The following LRCH2 variants were observed in gnomAD, a reference collection of about 807,000 sequenced individuals.
LRCH2 encodes the protein leucine-rich repeat and calponin homology domain-containing protein 2.
In LRCH2, 38 loss-of-function variants were observed where a neutral mutation model predicts 68.9. That is an observed-to-expected ratio of 0.55 (90% CI 0.43 to 0.72). The LOEUF (loss-of-function observed/expected upper bound fraction) is 0.72, where lower values mean the gene tolerates loss of function less well. Among genes scored for constraint, LRCH2 ranks in the 30% least tolerant of loss-of-function variants. The pLI is 0.00. For missense variants in LRCH2, 528 were observed against 572.9 expected (o/e 0.92, Z 0.80); for synonymous variants, 191 against 208.1 (o/e 0.92, Z 0.71).
chrX:115,219,772 C>T (rs1459826858), intron 1 of LRCH2, among the ~76,000 whole-genome samples: 2 of 111,961 alleles, frequency 1.8e-5, no homozygotes, highest in African/African-American at 6.5e-5. Flanking sequence ...GAGGCCGCCT[C>T]CTGTAAGATA....
Position 115,190,898 on chromosome X carries a change from G to A in LRCH2, c.350-2528C>T, listed in dbSNP as rs1556558294. 15 of 1,164,280 alleles carry A rather than the reference G, an allele frequency of 1.3e-5. No homozygotes were observed. The East Asian group carries it at 4.9e-4, about 38-fold the overall frequency. The stretch of plus-strand genomic sequence containing the variant: ...TCGCTGGATGCCAACAGTGGAGGCT[G>A]CTCGCCCGAGGCCTACAGTGGGGGC... On this transcript the variant is annotated intron_variant, in intron 1 of 20. Transcript: ENST00000317135.
intron 1 of LRCH2, among the ~76,000 whole-genome samples, chrX:115,222,868 G>C (rs2073094470): frequency 9.0e-6 from 1 of 111,262 alleles, no homozygotes; most frequent in South Asian, 3.8e-4. Flanking sequence ...TCATGCAAGG[G>C]TCCCAGAATA....
chrX:115,187,175 A>G (rs2072739160), intron 2 of LRCH2, among the ~76,000 whole-genome samples: 1 of 111,672 alleles, frequency 9.0e-6, no homozygotes, highest in Non-Finnish European at 1.9e-5. Context: ...AATAGCTTGT[A>G]CTGTCAGGTA....
At chrX:115,189,962 T>A in intron 1 of LRCH2, 1 of 1,162,775 alleles carries the variant, frequency 8.6e-7, no homozygotes, top group South Asian at 1.9e-5. Flanking sequence ...GCTCACAGCG[T>A]TGGCTGTGGA....
chrX:115,170,812 T>C (rs1279917596), intron 5 of LRCH2, among the ~76,000 whole-genome samples: 2 of 111,737 alleles, frequency 1.8e-5, no homozygotes, highest in Admixed American at 1.9e-4. Flanking sequence ...ATCTATGTGA[T>C]TCTTTAAAGT....
chrX:115,121,630 G>A (rs1418735227), intron 20 of LRCH2, among the ~76,000 whole-genome samples: 4 of 112,423 alleles, frequency 3.6e-5, no homozygotes, highest in Non-Finnish European at 5.6e-5. Context: ...TCCAGCCTGG[G>A]CGACAGCGTG....
intron 12 of LRCH2, among the ~76,000 whole-genome samples, chrX:115,150,410 T>C (rs1255995041): frequency 9.0e-6 from 1 of 110,625 alleles, no homozygotes; most frequent in Admixed American, 9.7e-5. Flanking sequence ...TAACAAAGAC[T>C]AAAAAAAACT....
At chrX:115,199,073 C>G (rs2072911951) in intron 1 of LRCH2, among the ~76,000 whole-genome samples, 1 of 111,872 alleles carries the variant, frequency 8.9e-6, no homozygotes, top group Admixed American at 9.5e-5. Context: ...AAGAAATGCT[C>G]AAAGAAGTCC....
At position 115,179,377 on chromosome X, in the gene LRCH2, A is replaced by G. The variant is rs922814984; in HGVS notation, c.864+50T>C. On this transcript the variant is annotated intron_variant, in intron 5 of 20. Transcript: ENST00000317135. ...TTGATTTACCAGTCATAAACAGATA[A>G]AATTATGAATAAAAATGAGAAGAAA... 6.0e-6 allele frequency: 6 copies of G among 991,795 alleles called. No homozygotes were observed. The African/African-American group carries it at 9.8e-5, about 16-fold the overall frequency. 81.7% of individuals were successfully genotyped at this position (991,795 alleles called of 1,213,427 possible).
At chrX:115,161,641 C>T (rs1556541738) in intron 11 of LRCH2, among the ~76,000 whole-genome samples, 1 of 110,750 alleles carries the variant, frequency 9.0e-6, no homozygotes, top group African/African-American at 3.3e-5. Context: ...AATTTTCAAG[C>T]AGTCAATCAA....
chrX:115,159,748 CAA>C (rs71894663), intron 11 of LRCH2, among the ~76,000 whole-genome samples: 4,593 of 78,890 alleles, frequency 0.058, 107 homozygotes, highest in African/African-American at 0.082. Context: ...GAGACTGTCT[CAA>C]AAAAAAAAAA....
chrX:115,206,502 G>A (rs189590070), intron 1 of LRCH2, among the ~76,000 whole-genome samples: 286 of 112,511 alleles, frequency 2.5e-3, no homozygotes, highest in African/African-American at 8.4e-3. Flanking sequence ...TAGCATGAGC[G>A]ATCTGTGCCT....
In LRCH2 at chrX:115,118,037, G is replaced by A. The variant is rs782697447; in HGVS notation, c.2178+4490C>T. Among the ~76,000 whole-genome samples the A allele has an allele frequency of 2.7e-5, 3 of 110,271 alleles. No homozygotes were observed. The South Asian group carries it at 1.1e-3, about 42-fold the overall frequency. On this transcript the variant is annotated intron_variant, in intron 20 of 20. Transcript: ENST00000317135. The stretch of plus-strand genomic sequence containing the variant: ...AATTCTGAGTTCAGAGAAAAGCAAT[G>A]AAGCTAAAAATAAAACCCTTAAAAC...
intron 15 of LRCH2, among the ~76,000 whole-genome samples, chrX:115,129,703 G>A (rs2072226843): frequency 9.0e-6 from 1 of 111,684 alleles, no homozygotes; most frequent in Admixed American, 9.6e-5. Context: ...ACAATGATAG[G>A]CTGCTGCATA....
At chrX:115,195,374 T>C in intron 1 of LRCH2, among the ~76,000 whole-genome samples, 1 of 108,242 alleles carries the variant, frequency 9.2e-6, no homozygotes, top group Non-Finnish European at 1.9e-5. Context: ...AGTATTGAAT[T>C]AGAGAGATCA....
intron 1 of LRCH2, chrX:115,191,239 G>C: frequency 8.7e-7 from 1 of 1,153,601 alleles, no homozygotes; most frequent in Non-Finnish European, 1.2e-6. Context: ...CCGCTCCCTC[G>C]ATGCCAACAG....
chrX:115,162,524 C>T (rs2072527635), intron 11 of LRCH2, among the ~76,000 whole-genome samples: 1 of 111,849 alleles, frequency 8.9e-6, no homozygotes, highest in African/African-American at 3.3e-5. Flanking sequence ...AAAATGTGAA[C>T]TGCTGATGAA....
chrX:115,210,252 A>C (rs1192573017), intron 1 of LRCH2, among the ~76,000 whole-genome samples: 1 of 111,038 alleles, frequency 9.0e-6, no homozygotes, highest in Non-Finnish European at 1.9e-5. Flanking sequence ...AGGATGAAAA[A>C]ATGGTTTCGT....
chrX:115,206,476 C>T (rs920487191), intron 1 of LRCH2, among the ~76,000 whole-genome samples: 2 of 112,280 alleles, frequency 1.8e-5, no homozygotes, highest in Non-Finnish European at 3.8e-5. Context: ...TAAAGGTGTT[C>T]CTGAACCACA....
Sources: allele counts gnomAD v4.1 joint callset (sites outside exome capture counted in the v4.1 genomes callset), GRCh38; gene constraint gnomAD v4.1.1; transcripts MANE v1.5; gene names NCBI Gene and HGNC (gene_info 2026-07-23, HGNC 2026-07-21).